The following XYLT1 variants were observed in gnomAD, a reference collection of about 807,000 sequenced individuals.
XYLT1 encodes xylosyltransferase 1.
In XYLT1, 36 loss-of-function variants were observed where a neutral mutation model predicts 91.3. The ratio of observed to expected loss-of-function variants is 0.39; its 90% CI spans 0.30 to 0.52. The LOEUF is 0.52. XYLT1 is among the 20% of genes least tolerant of loss of function. XYLT1 has a pLI of 0.68. For synonymous variants in XYLT1, 588 were observed against 532.0 expected (o/e 1.11, Z -1.45); for missense variants, 1,242 against 1,284.5 (o/e 0.97, Z 0.51).
intron 1 of XYLT1, 122 bp downstream of exon 1, chr16:17,470,312 G>C (rs2036967703): frequency 1.8e-6 from 2 of 1,141,998 alleles, no homozygotes; most frequent in South Asian, 4.5e-5. Context: ...AAGAGGCGAT[G>C]TGGAGTCGGT....
intron 1 of XYLT1, among the ~76,000 whole-genome samples, chr16:17,387,343 C>T (rs902010264): frequency 1.3e-5 from 2 of 152,166 alleles, no homozygotes; most frequent in African/African-American, 2.4e-5. Flanking sequence ...CACTAGACTA[C>T]CTGAGAGCTT....
intron 3 of XYLT1, among the ~76,000 whole-genome samples, chr16:17,257,314 T>TCTCC (rs2033648770): frequency 6.6e-6 from 1 of 152,084 alleles, no homozygotes; most frequent in Admixed American, 6.6e-5. Context: ...CAGAAAGGAC[T>TCTCC]CTCCCTGTTA....
At chr16:17,361,260 G>T (rs180880395) in intron 1 of XYLT1, among the ~76,000 whole-genome samples, 1 of 152,044 alleles carries the variant, frequency 6.6e-6, no homozygotes, top group Non-Finnish European at 1.5e-5. Flanking sequence ...GGTCCAAGGA[G>T]GATGCCAGAC....
At chr16:17,446,518 C>A (rs1221471700) in intron 1 of XYLT1, 1 of 152,006 alleles carries the variant, frequency 6.6e-6, no homozygotes, top group African/African-American at 2.4e-5. Context: ...TTTCCATCAA[C>A]AGGTGATGCT....
intron 3 of XYLT1, among the ~76,000 whole-genome samples, chr16:17,202,326 T>C (rs1380538692): frequency 1.3e-5 from 2 of 152,192 alleles, no homozygotes; most frequent in Non-Finnish European, 2.9e-5. Flanking sequence ...GGCTGAATGG[T>C]TGCTGAATGA....
In XYLT1 at chr16:17,259,278, AATG is replaced by A; in HGVS notation, c.620_622del (p.Thr207_Phe208delinsIle). On this transcript the variant is annotated inframe_deletion, in exon 3 of 12. Coordinates refer to ENST00000261381, the MANE Select transcript of XYLT1 (RefSeq NM_022166.4). ...CACCTCACCGGGGCCTTTCCCAGGG[AATG>A]TATGTCCTTTTCCTTTCTCCTGCTG... 6.2e-7 allele frequency: 1 copy of A among 1,613,740 alleles called. No individual in the cohort carries two copies. Among genetic ancestry groups the A allele is most frequent in the Non-Finnish European group, 8.5e-7 (1 of 1,179,934 alleles).
At chr16:17,243,707 G>A (rs376785545) in intron 3 of XYLT1, among the ~76,000 whole-genome samples, 24 of 152,284 alleles carry the variant, frequency 1.6e-4, no homozygotes, top group African/African-American at 2.4e-4. Flanking sequence ...GAGCGGCAAC[G>A]GTCAGCAATC....
At chr16:17,284,308 C>T (rs1187490575) in intron 2 of XYLT1, among the ~76,000 whole-genome samples, 1 of 152,192 alleles carries the variant, frequency 6.6e-6, no homozygotes, top group South Asian at 2.1e-4. Flanking sequence ...CCCACTAACA[C>T]TGGAGCACCT....
At chr16:17,449,199 T>C (rs2036632234) in intron 1 of XYLT1, among the ~76,000 whole-genome samples, 1 of 152,254 alleles carries the variant, frequency 6.6e-6, no homozygotes, top group Non-Finnish European at 1.5e-5. Flanking sequence ...CACTCTCTCC[T>C]GCTGCCCCAG....
chr16:17,295,344 TTTGTTTTG>T (rs2034293985), intron 2 of XYLT1, among the ~76,000 whole-genome samples: 7 of 150,930 alleles, frequency 4.6e-5, no homozygotes, highest in South Asian at 2.1e-4. Flanking sequence ...TTTGTTTTGT[TTTGTTTTG>T]TTTTGTTTTG....
intron 2 of XYLT1, among the ~76,000 whole-genome samples, chr16:17,324,255 G>C (rs982256350): frequency 6.6e-6 from 1 of 152,214 alleles, no homozygotes; most frequent in Non-Finnish European, 1.5e-5. Context: ...TAACGCTAGA[G>C]ACAGGCTCAC....
intron 2 of XYLT1, among the ~76,000 whole-genome samples, chr16:17,283,355 A>G (rs1360986536): frequency 1.3e-5 from 2 of 152,220 alleles, no homozygotes; most frequent in Non-Finnish European, 2.9e-5. Flanking sequence ...TCAAAAAGAC[A>G]CAAAGGGAAG....
chr16:17,449,945 A>C (rs1453837836), intron 1 of XYLT1, among the ~76,000 whole-genome samples: 1 of 152,238 alleles, frequency 6.6e-6, no homozygotes, highest in Non-Finnish European at 1.5e-5. Flanking sequence ...ATATTTACTG[A>C]GCACCTATTG....
At chr16:17,275,130 T>A (rs1469932251) in intron 2 of XYLT1, among the ~76,000 whole-genome samples, 1 of 152,056 alleles carries the variant, frequency 6.6e-6, no homozygotes, top group Non-Finnish European at 1.5e-5. Flanking sequence ...TGAGCCAATA[T>A]TGCGCCACTG....
In XYLT1 at chr16:17,141,190, A is replaced by C; in HGVS notation, c.1550T>G (p.Met517Arg). 1 of 1,614,242 alleles carries C rather than the reference A, an allele frequency of 6.2e-7. No homozygotes were observed. The highest frequency in any genetic ancestry group is 1.7e-5 in the Admixed American group (1 of 60,028). Residue 517 changes from methionine (M) to arginine (R), a missense_variant, in exon 7 of 12, where the codon ATG becomes AGG. Met to Arg is a moderately conservative substitution (Grantham distance 91). Around this residue, in one of 3 missense-constraint regions of XYLT1, gnomAD observed 294 missense variants for 376.0 expected, o/e 0.78. Transcript: ENST00000261381. ...TFSTDDLVTK[M>R]KQFYSYTLLP... Reference sequence around the variant, plus strand: ...CAGGGTGTAGGAGTAGAACTGTTTCATCTTGGTCACCAGATCGTCTGTGGA... The same window carrying C: ...CAGGGTGTAGGAGTAGAACTGTTTCCTCTTGGTCACCAGATCGTCTGTGGA...
chr16:17,199,120 C>A (rs1483086771), intron 4 of XYLT1, among the ~76,000 whole-genome samples: 1 of 152,186 alleles, frequency 6.6e-6, no homozygotes, highest in African/African-American at 2.4e-5. Flanking sequence ...CATCTAAACC[C>A]ATGTATATTT....
intron 2 of XYLT1, among the ~76,000 whole-genome samples, chr16:17,289,498 A>T (rs901971207): frequency 2.6e-5 from 4 of 151,922 alleles, no homozygotes; most frequent in African/African-American, 9.7e-5. Flanking sequence ...GTGTGTCTCA[A>T]CTCCCTGATT....
intron 1 of XYLT1, among the ~76,000 whole-genome samples, chr16:17,400,686 A>T (rs1054612523): frequency 4.0e-5 from 6 of 150,950 alleles, no homozygotes; most frequent in Non-Finnish European, 8.9e-5. Context: ...GAACTAACTA[A>T]CTTGCAGTTT....
At chr16:17,287,335 G>A (rs773878095) in intron 2 of XYLT1, among the ~76,000 whole-genome samples, 12 of 151,932 alleles carry the variant, frequency 7.9e-5, no homozygotes, top group Non-Finnish European at 1.5e-4. Flanking sequence ...GCAGGCAAAC[G>A]CTCAGAACGT....
Sources: allele counts gnomAD v4.1 joint callset (sites outside exome capture counted in the v4.1 genomes callset), GRCh38; gene constraint gnomAD v4.1.1; regional missense constraint gnomAD v4.1.1; transcripts MANE v1.5; gene names NCBI Gene and HGNC (gene_info 2026-07-23, HGNC 2026-07-21).